Variants in VAMP7 observed in about 807,000 individuals in gnomAD.
VAMP7 encodes the protein vesicle associated membrane protein 7, also known as vesicle-associated membrane protein 7.
A neutral mutation model predicts 29.6 loss-of-function variants in VAMP7; 14 were observed. The observed-to-expected ratio is 0.47, with a 90% CI of 0.31 to 0.74. VAMP7 has a LOEUF of 0.74. Among genes scored for constraint, VAMP7 ranks in the 30% least tolerant of loss-of-function variants. The pLI is 0.05. For missense variants in VAMP7, 223 were observed against 262.4 expected, an observed-to-expected ratio of 0.85 and a Z score of 1.04; for synonymous variants, 95 against 88.1, an observed-to-expected ratio of 1.08 and a Z score of -0.44.
intron 6 of VAMP7, among the ~76,000 whole-genome samples, chrX:155,938,563 C>G (rs183425748): frequency 1.3e-5 from 2 of 152,310 alleles, no homozygotes; most frequent in East Asian, 3.9e-4. Flanking sequence ...AACTAGAGCA[C>G]GAACAGTACC....
At chrX:155,906,261 T>A (rs6642370) in intron 5 of VAMP7, among the ~76,000 whole-genome samples, 93,904 of 151,824 alleles carry the variant, frequency 0.62, 29,158 homozygotes, top group East Asian at 0.67. Flanking sequence ...CCTATATTTG[T>A]TATATAAGTC....
At chrX:155,918,046 C>G (rs757081202) in intron 5 of VAMP7, among the ~76,000 whole-genome samples, 2 of 152,138 alleles carry the variant, frequency 1.3e-5, no homozygotes, top group African/African-American at 4.8e-5. Flanking sequence ...GCTACAGGGA[C>G]TTTGCGGAGC....
chrX:155,888,972 G>A (rs1390985928), intron 1 of VAMP7, among the ~76,000 whole-genome samples: 1 of 152,102 alleles, frequency 6.6e-6, no homozygotes, highest in African/African-American at 2.4e-5. Flanking sequence ...ATTTAAAATG[G>A]TACCTGGCAC....
rs749815748 is a variant in VAMP7 at position 155,932,773 on chromosome X, C to G, written c.502-6928C>G. On this transcript the variant is annotated intron_variant, in intron 6 of 7. Coordinates refer to ENST00000286448, the MANE Select transcript of VAMP7 (RefSeq NM_005638.6). ...ATAGGAGTGGTGAGAGAGGGCATCC[C>G]TATCTTGTGCCAGTTTTCAAAGGGA... is the stretch of plus-strand genomic sequence containing the variant. Among the ~76,000 whole-genome samples the G allele has an allele frequency of 3.0e-3, 461 of 152,238 alleles. 1 individual carries two copies. The highest frequency in any genetic ancestry group is 0.011 in the African/African-American group (443 of 41,546).
At chrX:155,921,613 C>T (rs952948061) in intron 6 of VAMP7, among the ~76,000 whole-genome samples, 67 of 151,458 alleles carry the variant, frequency 4.4e-4, no homozygotes, top group African/African-American at 1.6e-3. Context: ...TTTGTTTATC[C>T]GTTCTTCTCT....
At chrX:155,930,017 G>C (rs1314055460) in intron 6 of VAMP7, among the ~76,000 whole-genome samples, 1 of 152,172 alleles carries the variant, frequency 6.6e-6, no homozygotes, top group Non-Finnish European at 1.5e-5. Flanking sequence ...AAAGTACATA[G>C]GGTGGAGTTT....
At chrX:155,920,028 T>C in intron 6 of VAMP7, 148 bp downstream of exon 6, 1 of 689,320 alleles carries the variant, frequency 1.5e-6, no homozygotes, top group East Asian at 2.7e-5. Flanking sequence ...TTTGTAATAA[T>C]GAGGATAACA....
intron 6 of VAMP7, among the ~76,000 whole-genome samples, chrX:155,927,121 G>A (rs2066478769): frequency 6.6e-6 from 1 of 152,028 alleles, no homozygotes; most frequent in Non-Finnish European, 1.5e-5. Flanking sequence ...CATGCTGTTA[G>A]AAAAATGGTG....
chrX:155,914,772 T>C (rs780478457), intron 5 of VAMP7, among the ~76,000 whole-genome samples: 1 of 152,282 alleles, frequency 6.6e-6, no homozygotes, highest in Admixed American at 6.5e-5. Flanking sequence ...GCCAGTATTT[T>C]ATTGAGGATT....
chrX:155,934,345 G>A (rs1446173190), intron 6 of VAMP7, among the ~76,000 whole-genome samples: 2 of 152,140 alleles, frequency 1.3e-5, no homozygotes, highest in East Asian at 3.8e-4. Context: ...AAGTCTCTTT[G>A]TAGGTCTCTA....
intron 5 of VAMP7, among the ~76,000 whole-genome samples, chrX:155,914,523 T>A (rs1206158031): frequency 2.0e-5 from 3 of 152,194 alleles, no homozygotes; most frequent in Non-Finnish European, 4.4e-5. Flanking sequence ...CTTATTATTT[T>A]GAGATGCATT....
intron 6 of VAMP7, among the ~76,000 whole-genome samples, chrX:155,935,387 C>A: frequency 6.6e-6 from 1 of 152,164 alleles, no homozygotes; most frequent in African/African-American, 2.4e-5. Flanking sequence ...TTCTTGGAGG[C>A]TTTTTTCGTT....
chrX:155,935,947 G>C (rs1338028729), intron 6 of VAMP7, among the ~76,000 whole-genome samples: 1 of 152,100 alleles, frequency 6.6e-6, no homozygotes, highest in Non-Finnish European at 1.5e-5. Flanking sequence ...AGGTCTGTTG[G>C]AGTTTGTCGG....
intron 6 of VAMP7, among the ~76,000 whole-genome samples, chrX:155,932,668 T>C (rs2066580020): frequency 6.6e-6 from 1 of 152,204 alleles, no homozygotes. Flanking sequence ...ACAATTTGAT[T>C]TCCTCTTTTC....
intron 5 of VAMP7, among the ~76,000 whole-genome samples, chrX:155,904,045 G>A (rs1440026947): frequency 2.0e-5 from 3 of 151,978 alleles, no homozygotes; most frequent in Non-Finnish European, 2.9e-5. Flanking sequence ...ATGAGTTCAT[G>A]TCCTTTGTAG....
At position 155,931,396 on chromosome X, in the gene VAMP7, C is replaced by T. The variant is rs750616385; in HGVS notation, c.502-8305C>T. 3.0e-4 allele frequency among the ~76,000 whole-genome samples: 45 copies of T among 152,150 alleles called. No individual in the cohort carries two copies. The South Asian group carries it at 8.5e-3, about 29-fold the overall frequency. On this transcript the variant is annotated intron_variant, in intron 6 of 7. Transcript: ENST00000286448. ...TGTTGTTTCCTGACTTTTTAATGAT[C>T]GCCATTCTAACTGGTGTGAGATGGT...
At chrX:155,933,175 G>T (rs1251134857) in intron 6 of VAMP7, among the ~76,000 whole-genome samples, 1 of 152,104 alleles carries the variant, frequency 6.6e-6, no homozygotes, top group African/African-American at 2.4e-5. Flanking sequence ...TTTTTGTGTT[G>T]TGTCTCTGCC....
At chrX:155,924,432 T>G (rs369237669) in intron 6 of VAMP7, among the ~76,000 whole-genome samples, 2 of 152,108 alleles carry the variant, frequency 1.3e-5, no homozygotes, top group Non-Finnish European at 2.9e-5. Flanking sequence ...TCTGTAACCA[T>G]TAAGTAATAA....
intron 5 of VAMP7, among the ~76,000 whole-genome samples, chrX:155,915,283 A>ATCAATTT (rs1270169313): frequency 6.6e-6 from 1 of 151,960 alleles, no homozygotes; most frequent in Non-Finnish European, 1.5e-5. Flanking sequence ...CTAGCAGTCT[A>ATCAATTT]TCAATTTTGT....
Sources: allele counts gnomAD v4.1 joint callset (sites outside exome capture counted in the v4.1 genomes callset), GRCh38; gene constraint gnomAD v4.1.1; transcripts MANE v1.5; gene names NCBI Gene and HGNC (gene_info 2026-07-23, HGNC 2026-07-21).